The following PTPRS variants were observed in gnomAD, a reference collection of about 807,000 sequenced individuals.
The protein encoded by PTPRS is protein tyrosine phosphatase receptor type S.
Under a neutral mutation model 215.3 loss-of-function variants are expected in PTPRS, and 63 were observed. The ratio of observed to expected loss-of-function variants is 0.29; its 90% CI spans 0.24 to 0.36. The LOEUF (loss-of-function observed/expected upper bound fraction) is 0.36, where lower values mean the gene tolerates loss of function less well. Ranked by LOEUF, PTPRS falls within the 10% of genes least tolerant of loss-of-function variation. The probability of loss-of-function intolerance (pLI) is 1.00; values close to 1 mark genes in which losing one functional copy is unlikely to be tolerated. For synonymous variants in PTPRS, 1,404 were observed against 1,191.4 expected (o/e 1.18, Z -3.68); for missense variants, 2,258 against 2,825.8 (o/e 0.80, Z 4.56).
At chr19:5,270,226 CT>C (rs1021117526) in intron 4 of PTPRS, among the ~76,000 whole-genome samples, 1 of 152,204 alleles carries the variant, frequency 6.6e-6, no homozygotes, top group African/African-American at 2.4e-5. Flanking sequence ...TGTGGGGTCT[CT>C]TGTTAGAAAA....
intron 3 of PTPRS, among the ~76,000 whole-genome samples, chr19:5,273,959 C>T (rs1330917282): frequency 6.6e-6 from 1 of 152,200 alleles, no homozygotes; most frequent in African/African-American, 2.4e-5. Flanking sequence ...GTGCTGTGTA[C>T]ACTGCACTGT....
chr19:5,247,863 G>A (rs917070762), intron 9 of PTPRS, among the ~76,000 whole-genome samples: 4 of 151,912 alleles, frequency 2.6e-5, no homozygotes, highest in Non-Finnish European at 4.4e-5. Flanking sequence ...GTGGGAGTGG[G>A]GTCCGGAAGC....
rs373933577 is a variant in PTPRS at position 5,287,231 on chromosome 19, C to T, written c.-94-997G>A. On this transcript the variant is annotated intron_variant, in intron 1 of 37. Transcript: ENST00000262963. The surrounding 1 kb of genome is among the most constrained non-coding windows in gnomAD (Gnocchi z 4.8). ...ACATGACAGGTCTCAGCTTAGCTGTCACTTCCTCAGGAAACCCTTCTCTGC... is the reference window on the plus strand; with the variant it reads ...ACATGACAGGTCTCAGCTTAGCTGTTACTTCCTCAGGAAACCCTTCTCTGC... Among the ~76,000 whole-genome samples, 2 of 152,290 alleles carry T rather than the reference C, an allele frequency of 1.3e-5. No individual in the cohort carries two copies. The highest frequency in any genetic ancestry group is 3.9e-4 in the East Asian group (2 of 5,178).
At chr19:5,256,854 C>T (rs1248004425) in intron 8 of PTPRS, among the ~76,000 whole-genome samples, 6 of 151,756 alleles carry the variant, frequency 4.0e-5, no homozygotes, top group Non-Finnish European at 7.4e-5. Context: ...ATGGTAGGGA[C>T]GAAGGTGGTG....
At chr19:5,327,225 C>T (rs2050194251) in intron 1 of PTPRS, among the ~76,000 whole-genome samples, 1 of 152,214 alleles carries the variant, frequency 6.6e-6, no homozygotes, top group Non-Finnish European at 1.5e-5. Context: ...CTCCCCAGCG[C>T]CCCCAAGCCC....
At chr19:5,273,657 G>A in intron 3 of PTPRS, 74 bp from the exon 4 acceptor site, 1 of 1,563,378 alleles carries the variant, frequency 6.4e-7, no homozygotes, top group Non-Finnish European at 8.7e-7. Flanking sequence ...GCTGGGCTAG[G>A]CTGGGCTGTA....
At chr19:5,246,346 T>C (rs1409206472) in intron 9 of PTPRS, among the ~76,000 whole-genome samples, 1 of 151,962 alleles carries the variant, frequency 6.6e-6, no homozygotes, top group Admixed American at 6.5e-5. Flanking sequence ...AAACAATATA[T>C]AGAGAGATAT....
chr19:5,278,391 G>A (rs143418387), intron 2 of PTPRS, among the ~76,000 whole-genome samples: 5 of 152,046 alleles, frequency 3.3e-5, no homozygotes, highest in African/African-American at 1.2e-4. Context: ...GCTAATTTTT[G>A]TACTGAGTTT....
intron 4 of PTPRS, among the ~76,000 whole-genome samples, chr19:5,272,770 T>C (rs548067201): frequency 1.3e-5 from 2 of 152,230 alleles, no homozygotes; most frequent in East Asian, 3.9e-4. Context: ...TCTCGCTATG[T>C]TGCCCAGTCT....
chr19:5,277,090 C>T (rs532049563), intron 2 of PTPRS, among the ~76,000 whole-genome samples: 7 of 145,050 alleles, frequency 4.8e-5, no homozygotes, highest in Non-Finnish European at 3.0e-5. Context: ...GACTGAGTCT[C>T]GCTCTGTCGC....
In PTPRS at chr19:5,297,861, C is replaced by T. The variant is rs181862038; in HGVS notation, c.-94-11627G>A. On this transcript the variant is annotated intron_variant, in intron 1 of 37. Coordinates refer to ENST00000262963, the MANE Select transcript of PTPRS (RefSeq NM_002850.4). Reference sequence around the variant, plus strand: ...AGGCTGGAGTGCAGTGGCACGATCTCGGCTCACTGCAACCTCTGCCTCCCG... The same window carrying T: ...AGGCTGGAGTGCAGTGGCACGATCTTGGCTCACTGCAACCTCTGCCTCCCG... 1.9e-3 allele frequency among the ~76,000 whole-genome samples: 282 copies of T among 149,022 alleles called. 1 individual carries two copies. The highest frequency in any genetic ancestry group is 6.5e-3 in the African/African-American group (265 of 40,500).
intron 1 of PTPRS, among the ~76,000 whole-genome samples, chr19:5,292,172 G>A (rs962643753): frequency 3.0e-4 from 45 of 152,188 alleles, no homozygotes; most frequent in African/African-American, 7.7e-4. Flanking sequence ...CCCCAGGAAC[G>A]TGGCAAAGCC....
chr19:5,260,710 G>A, intron 7 of PTPRS, 95 bp downstream of exon 7: 1 of 1,491,160 alleles, frequency 6.7e-7, no homozygotes, highest in South Asian at 1.1e-5. Flanking sequence ...GGACACGCAT[G>A]GAAGGGGGCC....
rs750090444 is a variant in PTPRS, at chr19:5,229,286, A to G, written c.2376+30T>C. On this transcript the variant is annotated intron_variant, in intron 16 of 37. Coordinates refer to ENST00000262963, the MANE Select transcript of PTPRS (RefSeq NM_002850.4). ...GCACGGCCCGCGGGAAGCGCACAGC[A>G]GTAGGTGGGTGGCCAGGGGCGCTAC... 3.6e-6 allele frequency: 5 copies of G among 1,377,732 alleles called. No homozygotes were observed. In the Admixed American group the frequency reaches 1.6e-4, roughly 43 times the overall value. 85.3% of individuals were successfully genotyped at this position (1,377,732 alleles called of 1,614,324 possible).
intron 18 of PTPRS, 38 bp downstream of exon 18, chr19:5,222,651 C>T (rs1404095985): frequency 1.3e-6 from 2 of 1,486,926 alleles, no homozygotes; most frequent in Admixed American, 2.2e-5. Context: ...GGCGCAAGGC[C>T]CGGTCCGGCT....
chr19:5,281,276 C>T (rs1460895671), intron 2 of PTPRS, among the ~76,000 whole-genome samples: 1 of 151,964 alleles, frequency 6.6e-6, no homozygotes, highest in Non-Finnish European at 1.5e-5. Flanking sequence ...GCTTGAACAA[C>T]ATGGTGAAAC....
At chr19:5,305,757 A>AT (rs1193956235) in intron 1 of PTPRS, among the ~76,000 whole-genome samples, 1 of 115,014 alleles carries the variant, frequency 8.7e-6, no homozygotes, top group Admixed American at 8.8e-5. Context: ...ATATATATAT[A>AT]TATATATATT....
rs2040990389 is a variant in PTPRS, at chr19:5,212,414, T to G, written c.4692A>C (p.Pro1564=). 3.1e-6 allele frequency: 5 copies of G among 1,604,866 alleles called. No homozygotes were observed. Among genetic ancestry groups the G allele is most frequent in the Middle Eastern group, 3.3e-4 (2 of 6,058 alleles). Residue 1564 remains proline, a synonymous_variant, in exon 31 of 38, where the codon CCA becomes CCC. Coordinates refer to ENST00000262963, the MANE Select transcript of PTPRS (RefSeq NM_002850.4). ...AWPDHGVPEY[P]TPFLAFLRRV... is the part of the protein sequence containing the mutation. ...TCCGCAGGAAAGCCAGGAAGGGCGT[T>G]GGGTATTCGGGCACGCCATGGTCCG...
rs149181507 is a variant in PTPRS at position 5,218,626 on chromosome 19, G to A, written c.3936-94C>T. 997 of 1,511,470 alleles carry A rather than the reference G, an allele frequency of 6.6e-4. 7 individuals are homozygous for A. The African/African-American group carries it at 0.012, about 19-fold the overall frequency. 93.6% of individuals were successfully genotyped at this position (1,511,470 alleles called of 1,614,324 possible). Reference sequence around the variant, plus strand: ...CCCCAGGAATGCATGGTAAGAAAAGGACCATGGACCCGTATGACTAGGGTT... The same window carrying A: ...CCCCAGGAATGCATGGTAAGAAAAGAACCATGGACCCGTATGACTAGGGTT... On this transcript the variant is annotated intron_variant, in intron 24 of 37. Coordinates refer to ENST00000262963, the MANE Select transcript of PTPRS (RefSeq NM_002850.4).
Sources: allele counts gnomAD v4.1 joint callset (sites outside exome capture counted in the v4.1 genomes callset), GRCh38; gene constraint gnomAD v4.1.1; non-coding constraint Gnocchi (gnomAD v3.1); transcripts MANE v1.5; gene names NCBI Gene and HGNC (gene_info 2026-07-23, HGNC 2026-07-21).